GRM5: variants seen among roughly 807,000 people sequenced by gnomAD.
GRM5 encodes the protein metabotropic glutamate receptor 5.
Under a neutral mutation model 83.1 loss-of-function variants are expected in GRM5, and 19 were observed. That is an observed-to-expected ratio of 0.23 (90% confidence interval 0.16 to 0.34). GRM5 has a LOEUF of 0.34. Ranked by LOEUF, GRM5 falls within the 10% of genes least tolerant of loss-of-function variation. The probability of loss-of-function intolerance (pLI) is 1.00; values close to 1 mark genes in which losing one functional copy is unlikely to be tolerated. For missense variants in GRM5, 1,160 were observed against 1,588.3 expected (o/e 0.73, Z 4.58); for synonymous variants, 675 against 633.6 (o/e 1.07, Z -0.98).
chr11:88,981,985 C>A (rs759116797), intron 2 of GRM5, among the ~76,000 whole-genome samples: 3 of 152,140 alleles, frequency 2.0e-5, no homozygotes, highest in Non-Finnish European at 4.4e-5. Flanking sequence ...TGCAAGATAA[C>A]TTGAATTTTC....
At chr11:88,949,819 G>T (rs1488719492) in intron 2 of GRM5, among the ~76,000 whole-genome samples, 1 of 152,040 alleles carries the variant, frequency 6.6e-6, no homozygotes, top group Non-Finnish European at 1.5e-5. Flanking sequence ...ATTAGAAACA[G>T]TATTTTAGGA....
rs147764482 is a variant in GRM5, at chr11:88,944,638, T to A, written c.662-94483A>T. Among the ~76,000 whole-genome samples the A allele has an allele frequency of 1.9e-3, 288 of 151,752 alleles. 2 individuals are homozygous for A. The highest frequency in any genetic ancestry group is 2.3e-3 in the Non-Finnish European group (159 of 67,842). On this transcript the variant is annotated intron_variant, in intron 2 of 9. Transcript: ENST00000305447. ...AACCTGTTTTTTTAAAGAAAGACAG[T>A]TGTGTGCAGCTTATAAAAAATACAC...
Position 88,899,889 on chromosome 11 carries a change from T to C in GRM5, c.662-49734A>G, listed in dbSNP as rs190690736. Among the ~76,000 whole-genome samples, 11 of 152,258 alleles carry C rather than the reference T, an allele frequency of 7.2e-5. No individual in the cohort carries two copies. In the East Asian group the frequency reaches 2.1e-3, roughly 29 times the overall value. On this transcript the variant is annotated intron_variant, in intron 2 of 9. Transcript: ENST00000305447. Reference sequence around the variant, plus strand: ...GACATTGTTTTCTAGTTCCACAATATATTTTTGTCCAGTCCACCGAAATTT... The same window carrying C: ...GACATTGTTTTCTAGTTCCACAATACATTTTTGTCCAGTCCACCGAAATTT...
rs146135035 is a variant in GRM5 at position 88,535,292 on chromosome 11, A to G, written c.2631-9888T>C. 7.8e-3 allele frequency among the ~76,000 whole-genome samples: 1,194 copies of G among 152,288 alleles called. 20 individuals carry two copies. Among genetic ancestry groups the G allele is most frequent in the African/African-American group, 0.027 (1,131 of 41,552 alleles). On this transcript the variant is annotated intron_variant, in intron 8 of 9. Coordinates refer to ENST00000305447, the MANE Select transcript of GRM5 (RefSeq NM_001143831.3). ...CCACTTTACTCATCAGTTTTAGCCA[A>G]TGATCATGGGAGAGAGTCTTCTGGA...
intron 8 of GRM5, among the ~76,000 whole-genome samples, chr11:88,535,255 C>G (rs1351209001): frequency 6.6e-6 from 1 of 152,148 alleles, no homozygotes; most frequent in Non-Finnish European, 1.5e-5. Context: ...TAGTAATTAT[C>G]AGATTCACTT....
intron 8 of GRM5, among the ~76,000 whole-genome samples, chr11:88,539,668 A>C (rs1268893552): frequency 1.3e-5 from 2 of 152,180 alleles, no homozygotes; most frequent in East Asian, 3.8e-4. Context: ...AATCTCTATT[A>C]ATTCTTTTAA....
intron 3 of GRM5, among the ~76,000 whole-genome samples, chr11:88,839,054 G>A (rs1205391951): frequency 1.3e-5 from 2 of 151,912 alleles, no homozygotes; most frequent in African/African-American, 4.8e-5. Context: ...TTCTCAGTTG[G>A]TTTCCTCCAC....
At chr11:88,985,908 T>C (rs1176006000) in intron 2 of GRM5, among the ~76,000 whole-genome samples, 3 of 152,184 alleles carry the variant, frequency 2.0e-5, no homozygotes, top group Admixed American at 6.5e-5. Context: ...ATATTGCTGA[T>C]AGTAGTATAA....
At chr11:88,607,628 C>A (rs1001112344) in intron 4 of GRM5, among the ~76,000 whole-genome samples, 44 of 152,216 alleles carry the variant, frequency 2.9e-4, no homozygotes, top group Non-Finnish European at 6.3e-4. Context: ...CAAAGACATA[C>A]AGGAGCGTGC....
chr11:88,670,270 GGAAT>G (rs1229073956), intron 3 of GRM5, among the ~76,000 whole-genome samples: 1 of 151,714 alleles, frequency 6.6e-6, no homozygotes, highest in Non-Finnish European at 1.5e-5. Context: ...GACCTAAATA[GGAAT>G]GATAAAATAA....
intron 2 of GRM5, among the ~76,000 whole-genome samples, chr11:88,888,578 G>T (rs1318686219): frequency 6.6e-6 from 1 of 152,120 alleles, no homozygotes; most frequent in Non-Finnish European, 1.5e-5. Context: ...AGTTGAGCTG[G>T]GGGAGAAAGA....
chr11:88,977,888 T>C (rs1241172475), intron 2 of GRM5, among the ~76,000 whole-genome samples: 1 of 152,216 alleles, frequency 6.6e-6, no homozygotes, highest in African/African-American at 2.4e-5. Flanking sequence ...GAACAATTAC[T>C]TTCTCTTGCA....
At chr11:88,765,952 C>T (rs1166811273) in intron 3 of GRM5, among the ~76,000 whole-genome samples, 4 of 151,604 alleles carry the variant, frequency 2.6e-5, no homozygotes, top group African/African-American at 7.3e-5. Flanking sequence ...ATATAAGGGA[C>T]TTATATCCAG....
intron 2 of GRM5, among the ~76,000 whole-genome samples, chr11:88,893,629 C>A (rs1172638506): frequency 6.6e-6 from 1 of 152,026 alleles, no homozygotes; most frequent in Non-Finnish European, 1.5e-5. Flanking sequence ...TTCAGCAGCA[C>A]CTGGTGGAGG....
intron 3 of GRM5, among the ~76,000 whole-genome samples, chr11:88,823,471 C>G (rs1304594380): frequency 6.6e-6 from 1 of 151,276 alleles, no homozygotes; most frequent in African/African-American, 2.4e-5. Flanking sequence ...AGAAGTTTTC[C>G]TCAGATGTAC....
chr11:88,727,418 A>G (rs1941708582), intron 3 of GRM5, among the ~76,000 whole-genome samples: 1 of 152,216 alleles, frequency 6.6e-6, no homozygotes, highest in South Asian at 2.1e-4. Flanking sequence ...AGAGACTTAG[A>G]TTCAAACGCA....
intron 3 of GRM5, among the ~76,000 whole-genome samples, chr11:88,816,966 G>A (rs1365795309): frequency 3.3e-5 from 5 of 151,988 alleles, no homozygotes; most frequent in Non-Finnish European, 5.9e-5. Context: ...TCTGTCTGTC[G>A]GTCTGTCTAT....
chr11:88,603,777 T>C (rs1938066143), intron 5 of GRM5, among the ~76,000 whole-genome samples: 1 of 152,170 alleles, frequency 6.6e-6, no homozygotes, highest in African/African-American at 2.4e-5. Context: ...TAAACCAAGG[T>C]TGCTGACAGA....
chr11:88,871,247 A>G (rs531222266), intron 2 of GRM5, among the ~76,000 whole-genome samples: 73 of 151,732 alleles, frequency 4.8e-4, no homozygotes, highest in South Asian at 4.1e-3. Context: ...GAGATTAAAC[A>G]ACTTACTCAA....
Sources: allele counts gnomAD v4.1 joint callset (sites outside exome capture counted in the v4.1 genomes callset), GRCh38; gene constraint gnomAD v4.1.1; transcripts MANE v1.5; gene names NCBI Gene and HGNC (gene_info 2026-07-23, HGNC 2026-07-21).